Variants in MAP9 observed in about 807,000 individuals in gnomAD.
The protein encoded by MAP9 is microtubule-associated protein 9.
Under a neutral mutation model 75.2 loss-of-function variants are expected in MAP9, and 80 were observed. That is an observed-to-expected ratio of 1.06 (90% CI 0.89 to 1.28). The LOEUF is 1.28. MAP9 is among the 50% of genes most tolerant of loss of function. MAP9 has a pLI of 0.00. For synonymous variants in MAP9, 235 were observed against 237.3 expected (o/e 0.99, Z 0.09); for missense variants, 753 against 719.9 (o/e 1.05, Z -0.53).
At chr4:155,352,447 T>C in intron 13 of MAP9, 149 bp downstream of exon 13, 1 of 710,446 alleles carries the variant, frequency 1.4e-6, no homozygotes, top group Non-Finnish European at 2.3e-6. Context: ...GAAAATATGC[T>C]ATATGCAGGA....
At chr4:155,358,239 C>T (rs1217756082) in intron 7 of MAP9, among the ~76,000 whole-genome samples, 2 of 152,190 alleles carry the variant, frequency 1.3e-5, no homozygotes, top group East Asian at 3.9e-4. Context: ...AGACATTCTA[C>T]AATCCTGTCT....
rs781058344 is a variant in MAP9 at position 155,368,717 on chromosome 4, C to T, written c.577G>A (p.Gly193Arg). The T allele has an allele frequency of 1.9e-6, 3 of 1,613,938 alleles. No homozygotes were observed. Among genetic ancestry groups the T allele is most frequent in the East Asian group, 2.2e-5 (1 of 44,876 alleles). Residue 193 changes from glycine (G) to arginine (R), a missense_variant, in exon 5 of 14, where the codon GGA becomes AGA. Transcript: ENST00000311277. ...KKKSHMEEKD[G>R]LEDKETALSE... ...AGGGCAGTTTCTTTATCTTCTAGTC[C>T]ATCCTTCTCCTCCATGTGACTTTTC...
chr4:155,375,042 C>A lies in MAP9; in HGVS notation c.76-21G>T, dbSNP rs201834363. 1.3e-4 allele frequency: 194 copies of A among 1,514,298 alleles called. No individual in the cohort carries two copies. In the African/African-American group the frequency reaches 2.3e-3, roughly 18 times the overall value. 93.8% of individuals were successfully genotyped at this position (1,514,298 alleles called of 1,614,324 possible). ...TCATCCTGAAATGAGATACTGAAAT[C>A]AATTTCCATCCAAACATGGAGGTAT... On this transcript the variant is annotated intron_variant, in intron 2 of 13. Transcript: ENST00000311277.
At position 155,376,785 on chromosome 4, in the gene MAP9, G is replaced by C. The variant is rs998327975; in HGVS notation, c.-79C>G. On this transcript the variant is annotated 5_prime_UTR_variant, in exon 1 of 14. Coordinates refer to ENST00000311277, the MANE Select transcript of MAP9 (RefSeq NM_001039580.2). ...GAGCTGCTCACCTTGGTCTGGGCCT[G>C]GCGGCGCCCGCAGAGCCGGTCCTGG... 6.5e-6 allele frequency: 1 copy of C among 152,822 alleles called. No homozygotes were observed. Among genetic ancestry groups the C allele is most frequent in the African/African-American group, 2.4e-5 (1 of 41,466 alleles). The allele number at this position is 152,822 out of a possible 1,614,324, so 9.5% of individuals were successfully genotyped here. A position where few individuals can be genotyped will look rare whatever the true frequency, so the allele number is the denominator to read the frequency against.
At chr4:155,348,850 T>C (rs1356871296) in intron 13 of MAP9, among the ~76,000 whole-genome samples, 1 of 152,184 alleles carries the variant, frequency 6.6e-6, no homozygotes, top group African/African-American at 2.4e-5. Context: ...ATGTATACAA[T>C]GTAGATGGAA....
intron 4 of MAP9, among the ~76,000 whole-genome samples, chr4:155,371,453 T>C (rs1400513916): frequency 6.6e-6 from 1 of 151,932 alleles, no homozygotes; most frequent in Non-Finnish European, 1.5e-5. Context: ...CTGAAGAACC[T>C]GAGAATGACA....
chr4:155,373,887 T>G (rs1043954554), intron 3 of MAP9, among the ~76,000 whole-genome samples: 3 of 152,184 alleles, frequency 2.0e-5, no homozygotes, highest in Non-Finnish European at 4.4e-5. Context: ...CTAATTATAT[T>G]TTTTCCATAA....
At chr4:155,371,165 C>A (rs17032923) in intron 4 of MAP9, among the ~76,000 whole-genome samples, 14,270 of 152,080 alleles carry the variant, frequency 0.094, 1,649 homozygotes, top group African/African-American at 0.28. Context: ...GGTTATTATA[C>A]TTTTTACAAA....
chr4:155,355,964 T>C, intron 8 of MAP9, 80 bp from the exon 9 acceptor site: 11 of 1,291,588 alleles, frequency 8.5e-6, no homozygotes, highest in Non-Finnish European at 1.2e-5. Context: ...TATGCACGTA[T>C]AATATTTGAA....
At chr4:155,359,279 A>C (rs1397847521) in intron 7 of MAP9, among the ~76,000 whole-genome samples, 1 of 151,544 alleles carries the variant, frequency 6.6e-6, no homozygotes, top group Non-Finnish European at 1.5e-5. Flanking sequence ...GAAAAGAAAT[A>C]ATATCTTTTA....
Position 155,368,709 on chromosome 4 carries a change from T to C in MAP9, c.585A>G (p.Glu195=). Residue 195 remains glutamate (E), a synonymous_variant, in exon 5 of 14, where the codon GAA becomes GAG. Transcript: ENST00000311277. ...KSHMEEKDGL[E]DKETALSEEL... is the part of the protein sequence containing the mutation. ...CTTCACTGAGGGCAGTTTCTTTATCTTCTAGTCCATCCTTCTCCTCCATGT... is the reference window on the plus strand; with the variant it reads ...CTTCACTGAGGGCAGTTTCTTTATCCTCTAGTCCATCCTTCTCCTCCATGT... 1 of 1,614,108 alleles carries C rather than the reference T, an allele frequency of 6.2e-7. No individual in the cohort carries two copies. The highest frequency in any genetic ancestry group is 8.5e-7 in the Non-Finnish European group (1 of 1,179,918).
chr4:155,373,333 T>C lies in MAP9; in HGVS notation c.284A>G (p.Asn95Ser), dbSNP rs568816279. Residue 95 changes from asparagine (N) to serine (S), a missense_variant, in exon 4 of 14, where the codon AAT (asparagine) becomes AGT (serine). By Grantham distance (46) the Asn-to-Ser change is conservative. Coordinates refer to ENST00000311277, the MANE Select transcript of MAP9 (RefSeq NM_001039580.2). ...NPSKLLFLKT[N>S]KSNGNITKDE... ...TTTGGTTATGTTACCGTTTGATTTA[T>C]TGGTTTTCAAAAACAATAGTTTTGA... 17 of 1,613,714 alleles carry C rather than the reference T, an allele frequency of 1.1e-5. 1 individual carries two copies. Among genetic ancestry groups the C allele is most frequent in the Middle Eastern group, 1.7e-4 (1 of 6,058 alleles).
intron 5 of MAP9, among the ~76,000 whole-genome samples, chr4:155,366,202 T>C (rs991748444): frequency 6.6e-6 from 1 of 151,716 alleles, no homozygotes; most frequent in African/African-American, 2.4e-5. Context: ...CTACTAAAAA[T>C]ACAAAAATTA....
At position 155,375,890 on chromosome 4, in the gene MAP9, A is replaced by G. The variant is rs771954566; in HGVS notation, c.-40T>C. On this transcript the variant is annotated 5_prime_UTR_variant, in exon 2 of 14. Transcript: ENST00000311277. ...CGTTACCTTTATAAAATAGCTAATT[A>G]TTAGAATTCAACTTCTGATAGTAGC... 2 of 1,350,354 alleles carry G rather than the reference A, an allele frequency of 1.5e-6. No homozygotes were observed. Among genetic ancestry groups the G allele is most frequent in the African/African-American group, 1.5e-5 (1 of 68,554 alleles). 83.6% of individuals were successfully genotyped at this position (1,350,354 alleles called of 1,614,324 possible). A position where few individuals can be genotyped will look rare whatever the true frequency, so the allele number is the denominator to read the frequency against.
chr4:155,368,491 C>T (rs530270860), intron 5 of MAP9, 95 bp downstream of exon 5: 45 of 1,000,926 alleles, frequency 4.5e-5, no homozygotes, highest in East Asian at 3.0e-4. Context: ...CACACACACA[C>T]GCACACAAAT....
intron 3 of MAP9, 74 bp downstream of exon 3, chr4:155,374,863 G>A (rs1025531539): frequency 1.1e-6 from 1 of 878,094 alleles, no homozygotes; most frequent in Non-Finnish European, 1.7e-6. Flanking sequence ...ATGGGTGGTT[G>A]GGGGGCTGGC....
chr4:155,374,255 C>T (rs1056644289), intron 3 of MAP9, among the ~76,000 whole-genome samples: 1 of 152,138 alleles, frequency 6.6e-6, no homozygotes, highest in Non-Finnish European at 1.5e-5. Flanking sequence ...AGGAGAATCA[C>T]TTGAACCTGG....
intron 4 of MAP9, among the ~76,000 whole-genome samples, chr4:155,371,607 AT>A (rs2111282439): frequency 6.6e-6 from 1 of 152,026 alleles, no homozygotes; most frequent in South Asian, 2.1e-4. Context: ...TTATTTTTAT[AT>A]TACACGTACT....
chr4:155,364,397 A>C (rs1320196826), intron 5 of MAP9, among the ~76,000 whole-genome samples: 1 of 150,556 alleles, frequency 6.6e-6, no homozygotes, highest in Non-Finnish European at 1.5e-5. Context: ...GAAGAAATGA[A>C]GATCCCTAGA....
Sources: allele counts gnomAD v4.1 joint callset (sites outside exome capture counted in the v4.1 genomes callset), GRCh38; gene constraint gnomAD v4.1.1; transcripts MANE v1.5; gene names NCBI Gene and HGNC (gene_info 2026-07-23, HGNC 2026-07-21).